ERCC6L2: variants seen among roughly 807,000 people sequenced by gnomAD.
The protein encoded by ERCC6L2 is DNA excision repair protein ERCC-6-like 2.
Under a neutral mutation model 132.0 loss-of-function variants are expected in ERCC6L2, and 77 were observed. The ratio of observed to expected loss-of-function variants is 0.58; its 90% CI spans 0.49 to 0.71. The LOEUF (loss-of-function observed/expected upper bound fraction) is 0.71. Among genes scored for constraint, ERCC6L2 ranks in the 30% least tolerant of loss-of-function variants. The pLI is 0.00. For missense variants in ERCC6L2, 1,542 were observed against 1,837.6 expected (o/e 0.84, Z 2.94); for synonymous variants, 583 against 632.4 (o/e 0.92, Z 1.17).
At chr9:95,976,072 C>G (rs1170531082) in intron 16 of ERCC6L2, among the ~76,000 whole-genome samples, 1 of 152,028 alleles carries the variant, frequency 6.6e-6, no homozygotes, top group East Asian at 1.9e-4. Context: ...CTGCTTTTCC[C>G]TTGGTCATTT....
chr9:95,896,370 CTA>C (rs1387857514), intron 2 of ERCC6L2, among the ~76,000 whole-genome samples: 3 of 147,024 alleles, frequency 2.0e-5, no homozygotes, highest in African/African-American at 5.0e-5. Context: ...AGCTACTTGT[CTA>C]TTTGTTTTTT....
At position 95,972,230 on chromosome 9, in the gene ERCC6L2, C is replaced by T. The variant is rs530605251; in HGVS notation, c.2479C>T (p.Leu827Phe). The T allele has an allele frequency of 2.3e-6, 3 of 1,304,178 alleles. No individual in the cohort carries two copies. In the African/African-American group the frequency reaches 4.5e-5, roughly 20 times the overall value. 80.8% of individuals were successfully genotyped at this position (1,304,178 alleles called of 1,614,324 possible). The part of the protein sequence containing the change: ...DESSDEQPTC[L>F]STEAKDAGCE... ...AAGTTCTGATGAGCAGCCCACATGC[C>T]TTTCAACAGAAGCCAAAGATGCTGG... The change falls in exon 16 of 19, where the codon CTT becomes TTT. Residue 827 changes from leucine to phenylalanine, a missense_variant. Physicochemically the swap from Leu to Phe is conservative, Grantham distance 22. Coordinates refer to ENST00000653738, the MANE Select transcript of ERCC6L2 (RefSeq NM_020207.7).
At chr9:95,889,939 G>A (rs1828070326) in intron 2 of ERCC6L2, among the ~76,000 whole-genome samples, 1 of 152,118 alleles carries the variant, frequency 6.6e-6, no homozygotes, top group Admixed American at 6.5e-5. Context: ...TGGAGTATCC[G>A]TTCTCTTTCT....
At chr9:96,025,714 A>G (rs551315313) in intron 19 of ERCC6L2, 4 of 152,332 alleles carry the variant, frequency 2.6e-5, no homozygotes, top group African/African-American at 9.6e-5. Context: ...TTTTGTTTGC[A>G]TTGATATTTC....
intron 12 of ERCC6L2, among the ~76,000 whole-genome samples, chr9:95,953,668 C>T (rs1008306532): frequency 6.7e-6 from 1 of 149,356 alleles, no homozygotes; most frequent in Non-Finnish European, 1.5e-5. Flanking sequence ...AAAAGAAAGG[C>T]CAAAAGTAAA....
intron 18 of ERCC6L2, among the ~76,000 whole-genome samples, chr9:96,007,305 T>C (rs1168649848): frequency 6.6e-6 from 1 of 152,108 alleles, no homozygotes; most frequent in Admixed American, 6.5e-5. Flanking sequence ...GGGGCTAACA[T>C]GGAGTTAAGA....
chr9:95,900,893 AC>A (rs1828740215), intron 3 of ERCC6L2, among the ~76,000 whole-genome samples: 2 of 152,206 alleles, frequency 1.3e-5, no homozygotes, highest in East Asian at 3.9e-4. Context: ...GTTCATACCA[AC>A]TTTTTCTTAA....
chr9:95,908,025 G>C (rs1382155515), intron 4 of ERCC6L2, among the ~76,000 whole-genome samples: 1 of 152,056 alleles, frequency 6.6e-6, no homozygotes, highest in Non-Finnish European at 1.5e-5. Flanking sequence ...GTTGTCAGCA[G>C]ATTACCGATA....
intron 9 of ERCC6L2, among the ~76,000 whole-genome samples, chr9:95,924,034 T>G (rs910731977): frequency 3.9e-5 from 6 of 152,206 alleles, no homozygotes; most frequent in Non-Finnish European, 8.8e-5. Context: ...GCTTCCTGCC[T>G]CCTTGCAACA....
chr9:95,954,155 G>C (rs985659269), intron 12 of ERCC6L2, among the ~76,000 whole-genome samples: 1 of 152,134 alleles, frequency 6.6e-6, no homozygotes, highest in South Asian at 2.1e-4. Flanking sequence ...TAAGTGGCAG[G>C]GTCAGGATCT....
At chr9:95,944,818 A>C (rs1320627641) in intron 12 of ERCC6L2, among the ~76,000 whole-genome samples, 1 of 152,164 alleles carries the variant, frequency 6.6e-6, no homozygotes, top group Non-Finnish European at 1.5e-5. Flanking sequence ...CAAAACCAGC[A>C]AGTTTTTATT....
Position 95,966,675 on chromosome 9 carries a change from T to G in ERCC6L2, c.2061T>G (p.Phe687Leu). 6.6e-7 allele frequency: 1 copy of G among 1,515,980 alleles called. No individual in the cohort carries two copies. Among genetic ancestry groups the G allele is most frequent in the Non-Finnish European group, 9.0e-7 (1 of 1,113,228 alleles). The allele number at this position is 1,515,980 out of a possible 1,614,324, so 93.9% of individuals were successfully genotyped here. ...TTGGGATCCATAACCTCTTCAAATT[T>G]AGGTCCCAAGGGTCTTGTCTTACGA... Reference protein sequence around the residue: ...ELFGIHNLFKFRSQGSCLTKD... With the variant: ...ELFGIHNLFKLRSQGSCLTKD... Residue 687 changes from phenylalanine to leucine, a missense_variant, in exon 14 of 19, where the codon TTT becomes TTG. Coordinates refer to ENST00000653738, the MANE Select transcript of ERCC6L2 (RefSeq NM_020207.7).
At chr9:95,888,739 C>T (rs77744706) in intron 2 of ERCC6L2, among the ~76,000 whole-genome samples, 19,769 of 152,082 alleles carry the variant, frequency 0.13, 1,363 homozygotes, top group South Asian at 0.24. Context: ...GACTGGGTTC[C>T]GCCAGCAGAA....
rs1157481604 is a variant in ERCC6L2 at position 95,955,921 on chromosome 9, A to C, written c.1855A>C (p.Arg619=). The change falls in exon 13 of 19, where the codon AGG becomes CGG. Residue 619 remains arginine, a synonymous_variant. Coordinates refer to ENST00000653738, the MANE Select transcript of ERCC6L2 (RefSeq NM_020207.7). The part of the protein sequence containing the change: ...NDLQAIDRAY[R]IGQCRDVKVL... ...TTTTTAATCCTTTTACAGAGCATAT[A>C]GGATTGGACAATGTAGAGATGTCAA... The C allele has an allele frequency of 6.3e-7, 1 of 1,588,338 alleles. No individual in the cohort carries two copies.
chr9:95,978,107 T>C lies in ERCC6L2; in HGVS notation c.3384T>C (p.Ile1128=). ...ATATTCACTCAAACCAGAATGTAAT[T>C]GGATCGAGCAAAGCTGAAAATCACA... ...VAYIHSNQNV[I]GSSKAENHMS... The change falls in exon 17 of 19, where the codon ATT becomes ATC. Residue 1128 remains isoleucine (I), a synonymous_variant. Transcript: ENST00000653738. 7.3e-7 allele frequency: 1 copy of C among 1,367,444 alleles called. No homozygotes were observed. The highest frequency in any genetic ancestry group is 1.1e-5 in the South Asian group (1 of 88,012). 84.7% of individuals were successfully genotyped at this position (1,367,444 alleles called of 1,614,324 possible).
At chr9:95,915,341 G>T (rs1829531602) in intron 4 of ERCC6L2, among the ~76,000 whole-genome samples, 2 of 152,054 alleles carry the variant, frequency 1.3e-5, no homozygotes, top group Admixed American at 1.3e-4. Flanking sequence ...ATAAAACATT[G>T]CAAGTTTTAT....
chr9:95,996,492 G>A (rs570833666), intron 17 of ERCC6L2, among the ~76,000 whole-genome samples: 1 of 152,338 alleles, frequency 6.6e-6, no homozygotes, highest in East Asian at 1.9e-4. Context: ...GCCTTCTGTT[G>A]GAAGATGTTA....
At chr9:95,924,409 T>A (rs917275785) in intron 9 of ERCC6L2, among the ~76,000 whole-genome samples, 36 of 152,204 alleles carry the variant, frequency 2.4e-4, no homozygotes, top group African/African-American at 8.7e-4. Flanking sequence ...AACAAATAAT[T>A]CAAATCTAAT....
At position 96,004,706 on chromosome 9, in the gene ERCC6L2, A is replaced by G. The variant is rs1034558437; in HGVS notation, c.3674+5A>G. 7.5e-6 allele frequency: 10 copies of G among 1,331,474 alleles called. No homozygotes were observed. Among genetic ancestry groups the G allele is most frequent in the East Asian group, 4.8e-5 (1 of 20,968 alleles). The allele number at this position is 1,331,474 out of a possible 1,614,324, so 82.5% of individuals were successfully genotyped here. A position where few individuals can be genotyped will look rare whatever the true frequency, so the allele number is the denominator to read the frequency against. ...AACACCAAAAGGAATCCGCAGGTAT[A>G]TTGTCTCTGACAATACTATACTTGA... On this transcript the variant is annotated splice_donor_5th_base_variant and intron_variant, in intron 18 of 18. Coordinates refer to ENST00000653738, the MANE Select transcript of ERCC6L2 (RefSeq NM_020207.7).
Sources: allele counts gnomAD v4.1 joint callset (sites outside exome capture counted in the v4.1 genomes callset), GRCh38; gene constraint gnomAD v4.1.1; transcripts MANE v1.5; gene names NCBI Gene and HGNC (gene_info 2026-07-23, HGNC 2026-07-21).